The following GRK5 variants were observed in gnomAD, a reference collection of about 807,000 sequenced individuals.
The protein encoded by GRK5 is G protein-coupled receptor kinase 5, also known as g protein-coupled receptor kinase GRK5.
In GRK5, 40 loss-of-function variants were observed where a neutral mutation model predicts 78.4. The observed-to-expected ratio is 0.51, with a 90% CI of 0.40 to 0.66. The LOEUF (loss-of-function observed/expected upper bound fraction) is 0.66, where lower values mean the gene tolerates loss of function less well. Ranked by LOEUF, GRK5 falls within the 30% of genes least tolerant of loss-of-function variation. The probability of loss-of-function intolerance (pLI) is 0.00; values close to 1 mark genes in which losing one functional copy is unlikely to be tolerated. For missense variants in GRK5, 598 were observed against 759.9 expected (o/e 0.79, Z 2.50); for synonymous variants, 289 against 296.8 (o/e 0.97, Z 0.27).
At chr10:119,441,582 G>T (rs774460035) in intron 10 of GRK5, among the ~76,000 whole-genome samples, 8 of 152,224 alleles carry the variant, frequency 5.3e-5, no homozygotes, top group Non-Finnish European at 1.2e-4. Context: ...CCGGGGAGCT[G>T]CTTCCCAAAT....
At chr10:119,425,229 A>G in intron 6 of GRK5, 144 bp downstream of exon 6, 1 of 602,910 alleles carries the variant, frequency 1.7e-6, no homozygotes, top group Non-Finnish European at 3.1e-6. Context: ...TAAGTTGTGT[A>G]TTCTAGAAAT....
Position 119,452,580 on chromosome 10 carries a change from C to A in GRK5, c.1405-91C>A. 6.7e-7 allele frequency: 1 copy of A among 1,482,866 alleles called. No individual in the cohort carries two copies. Among genetic ancestry groups the A allele is most frequent in the South Asian group, 1.2e-5 (1 of 82,128 alleles). 91.9% of individuals were successfully genotyped at this position (1,482,866 alleles called of 1,614,324 possible). ...TCTGGGGGTGTGTCCTGGGAAGACT[C>A]CCTTCTGCTCCCCAAAACCCCAAGG... On this transcript the variant is annotated intron_variant, in intron 13 of 15. Transcript: ENST00000392870. The surrounding 1 kb of genome is among the most constrained non-coding windows in gnomAD (Gnocchi z 4.4).
intron 2 of GRK5, among the ~76,000 whole-genome samples, chr10:119,328,615 T>C (rs1382605302): frequency 6.6e-6 from 1 of 152,196 alleles, no homozygotes; most frequent in Non-Finnish European, 1.5e-5. Flanking sequence ...CACAACCCAT[T>C]CACTGTGGCC....
At chr10:119,266,752 T>G (rs1849504135) in intron 1 of GRK5, among the ~76,000 whole-genome samples, 1 of 21,318 alleles carries the variant, frequency 4.7e-5, no homozygotes, top group Admixed American at 6.8e-4. Context: ...TTTGCTGGGG[T>G]TGGGTGGGTG....
chr10:119,235,994 C>T (rs901372280), intron 1 of GRK5, among the ~76,000 whole-genome samples: 2 of 152,180 alleles, frequency 1.3e-5, no homozygotes, highest in African/African-American at 2.4e-5. Flanking sequence ...TACCCATTCC[C>T]ATGCCTGGCT....
intron 1 of GRK5, among the ~76,000 whole-genome samples, chr10:119,288,237 C>T (rs893340406): frequency 2.6e-5 from 4 of 152,114 alleles, no homozygotes; most frequent in African/African-American, 9.7e-5. Flanking sequence ...CGTGGCTTAC[C>T]GTCGACACAC....
intron 1 of GRK5, among the ~76,000 whole-genome samples, chr10:119,240,189 CTTTTTTTT>C (rs55905745): frequency 1.3e-3 from 93 of 70,064 alleles, no homozygotes; most frequent in African/African-American, 4.9e-3. Context: ...TGTTTCCCGA[CTTTTTTTT>C]TTTTTTTTTT....
At chr10:119,374,711 T>C (rs995374920) in intron 2 of GRK5, among the ~76,000 whole-genome samples, 8 of 152,218 alleles carry the variant, frequency 5.3e-5, no homozygotes, top group Admixed American at 4.6e-4. Context: ...CTAAGTCTCA[T>C]GTTGAGATGT....
chr10:119,372,571 G>C (rs571406649), intron 2 of GRK5, among the ~76,000 whole-genome samples: 55 of 152,312 alleles, frequency 3.6e-4, no homozygotes, highest in Middle Eastern at 3.4e-3. Context: ...GAAGTCTGTT[G>C]GTTTATGTGA....
intron 2 of GRK5, among the ~76,000 whole-genome samples, chr10:119,372,012 C>A (rs768461567): frequency 2.3e-4 from 35 of 152,238 alleles, no homozygotes; most frequent in Non-Finnish European, 4.0e-4. Context: ...TTATGTGTGG[C>A]AGGGAGCTGT....
intron 4 of GRK5, among the ~76,000 whole-genome samples, chr10:119,410,104 C>T (rs560223341): frequency 7.9e-5 from 12 of 152,378 alleles, no homozygotes; most frequent in East Asian, 3.9e-4. Context: ...TTTGGGCCTG[C>T]GGGTCACGAC....
rs373569578 is a variant in GRK5 at position 119,215,870 on chromosome 10, A to C, written c.52+7901A>C. ...TAAGTGCGGCAGATCTACAGAAAGA[A>C]TAGAAAGAAACCTCCACAGGCAGGT... On this transcript the variant is annotated intron_variant, in intron 1 of 15. Transcript: ENST00000392870. Among the ~76,000 whole-genome samples the C allele has an allele frequency of 3.3e-3, 498 of 152,324 alleles. 5 individuals carry two copies. The highest frequency in any genetic ancestry group is 0.011 in the African/African-American group (475 of 41,578).
At chr10:119,443,146 A>T (rs1190083689) in intron 11 of GRK5, among the ~76,000 whole-genome samples, 1 of 152,252 alleles carries the variant, frequency 6.6e-6, no homozygotes, top group Admixed American at 6.5e-5. Context: ...GGTACAGAAG[A>T]CATAGCAAGA....
At chr10:119,429,475 T>C (rs1329169999) in intron 6 of GRK5, among the ~76,000 whole-genome samples, 1 of 151,204 alleles carries the variant, frequency 6.6e-6, no homozygotes, top group African/African-American at 2.4e-5. Context: ...TGATTATTTG[T>C]AGCCAAACAG....
chr10:119,428,727 T>C (rs1391832030), intron 6 of GRK5, among the ~76,000 whole-genome samples: 2 of 152,192 alleles, frequency 1.3e-5, no homozygotes, highest in African/African-American at 4.8e-5. Flanking sequence ...TGTGGCCTGA[T>C]TGCAAAGAAG....
chr10:119,367,368 G>A (rs1378756950), intron 2 of GRK5, among the ~76,000 whole-genome samples: 2 of 152,158 alleles, frequency 1.3e-5, no homozygotes, highest in Admixed American at 1.3e-4. Context: ...TTCAGGACAC[G>A]AAGCCTAGCC....
chr10:119,249,487 CATTTTATTTT>C (rs201606707), intron 1 of GRK5, among the ~76,000 whole-genome samples: 1 of 151,864 alleles, frequency 6.6e-6, no homozygotes, highest in Admixed American at 6.6e-5. Flanking sequence ...ACACTTTAAA[CATTTTATTTT>C]ATTTTATTTT....
chr10:119,227,589 CAACA>C (rs916686834), intron 1 of GRK5, among the ~76,000 whole-genome samples: 3 of 152,064 alleles, frequency 2.0e-5, no homozygotes, highest in South Asian at 2.1e-4. Flanking sequence ...ACAACAGCAG[CAACA>C]AACAAACAAA....
intron 1 of GRK5, among the ~76,000 whole-genome samples, chr10:119,212,373 GC>G (rs1358512597): frequency 6.6e-6 from 1 of 152,174 alleles, no homozygotes; most frequent in Non-Finnish European, 1.5e-5. Flanking sequence ...ACTCCAAAGT[GC>G]TTGACTCTTC....
Sources: gnomAD v4.1 joint callset for allele counts (sites outside exome capture counted in the v4.1 genomes callset) on GRCh38, gnomAD v4.1.1 for gene constraint, Gnocchi (gnomAD v3.1) non-coding constraint, MANE v1.5 for transcripts, NCBI Gene and HGNC (gene_info 2026-07-23, HGNC 2026-07-21) for gene names.